YES1: variants seen among roughly 807,000 people sequenced by gnomAD.
The protein encoded by YES1 is tyrosine-protein kinase Yes.
In YES1, 39 loss-of-function variants were observed where a neutral mutation model predicts 70.4. The observed-to-expected ratio is 0.55, with a 90% confidence interval of 0.43 to 0.72. The LOEUF (loss-of-function observed/expected upper bound fraction) is 0.72. YES1 is among the 30% of genes least tolerant of loss of function. The pLI is 0.00. For missense variants in YES1, 495 were observed against 644.8 expected, an observed-to-expected ratio of 0.77 and a Z score of 2.52; for synonymous variants, 198 against 218.6, an observed-to-expected ratio of 0.91 and a Z score of 0.83.
At position 748,054 on chromosome 18, in the gene YES1, A is replaced by C. The variant is rs557597837; in HGVS notation, c.372-36T>G. 2.9e-5 allele frequency: 46 copies of C among 1,572,070 alleles called. No homozygotes were observed. The South Asian group carries it at 3.9e-4, about 13-fold the overall frequency. The stretch of plus-strand genomic sequence containing the variant: ...TAAAACAGCAATCACCGCAAGGTAG[A>C]CTATTGCCCAAGGTACAATATATTG... On this transcript the variant is annotated intron_variant, in intron 3 of 11. Coordinates refer to ENST00000314574, the MANE Select transcript of YES1 (RefSeq NM_005433.4).
intron 1 of YES1, among the ~76,000 whole-genome samples, chr18:770,646 T>C (rs1438281574): frequency 6.6e-6 from 1 of 152,186 alleles, no homozygotes; most frequent in Admixed American, 6.5e-5. Flanking sequence ...ATTTAGAATG[T>C]GCCCCAGGCA....
At chr18:765,807 G>C (rs918463215) in intron 1 of YES1, among the ~76,000 whole-genome samples, 2 of 152,304 alleles carry the variant, frequency 1.3e-5, no homozygotes, top group South Asian at 4.1e-4. Context: ...CACTTAAAAT[G>C]ATTTTTTTAA....
intron 11 of YES1, among the ~76,000 whole-genome samples, chr18:728,155 G>GT (rs977898039): frequency 6.6e-6 from 1 of 151,956 alleles, no homozygotes; most frequent in Non-Finnish European, 1.5e-5. Context: ...GGGCAACATG[G>GT]TGAGACCCTG....
chr18:771,468 A>C (rs568742372), intron 1 of YES1, among the ~76,000 whole-genome samples: 1 of 152,324 alleles, frequency 6.6e-6, no homozygotes, highest in South Asian at 2.1e-4. Context: ...TTCCTTAAAA[A>C]TCACCTTCAA....
At chr18:745,889 T>C in intron 5 of YES1, 32 bp from the exon 6 acceptor site, 2 of 1,606,804 alleles carry the variant, frequency 1.2e-6, no homozygotes, top group South Asian at 2.2e-5. Context: ...TCACTATATC[T>C]TTCTCAAAAT....
intron 1 of YES1, among the ~76,000 whole-genome samples, chr18:778,705 T>C (rs1905505844): frequency 6.6e-6 from 1 of 152,202 alleles, no homozygotes; most frequent in Non-Finnish European, 1.5e-5. Context: ...TTTCCATAGG[T>C]CACGGTGTTC....
In YES1 at chr18:756,917, G is replaced by A. The variant is rs1012736050; in HGVS notation, c.-8-82C>T. ...GACAGGGTTCAAAAAATCATTTTAA[G>A]AAAAGCATATGCCATCCCTGCAAAA... On this transcript the variant is annotated intron_variant, in intron 1 of 11. Transcript: ENST00000314574. The A allele has an allele frequency of 1.3e-5, 18 of 1,342,958 alleles. No homozygotes were observed. The South Asian group carries it at 2.1e-4, about 16-fold the overall frequency. The allele number at this position is 1,342,958 out of a possible 1,614,324, so 83.2% of individuals were successfully genotyped here. A position where few individuals can be genotyped will look rare whatever the true frequency, so the allele number is the denominator to read the frequency against.
At chr18:790,308 G>A (rs552026221) in intron 1 of YES1, among the ~76,000 whole-genome samples, 1 of 152,156 alleles carries the variant, frequency 6.6e-6, no homozygotes, top group East Asian at 1.9e-4. Flanking sequence ...CCCGAGAGGC[G>A]GAAGTTGCAA....
chr18:797,441 T>C (rs867668498), intron 1 of YES1, among the ~76,000 whole-genome samples: 3 of 151,794 alleles, frequency 2.0e-5, no homozygotes, highest in African/African-American at 7.3e-5. Flanking sequence ...CACTTTATTA[T>C]GGAAAGAGGA....
At position 765,461 on chromosome 18, in the gene YES1, T is replaced by C. The variant is rs576188441; in HGVS notation, c.-8-8626A>G. Among the ~76,000 whole-genome samples, 388 of 148,824 alleles carry C rather than the reference T, an allele frequency of 2.6e-3. 1 individual carries two copies. The highest frequency in any genetic ancestry group is 4.0e-3 in the Non-Finnish European group (271 of 67,284). On this transcript the variant is annotated intron_variant, in intron 1 of 11. Coordinates refer to ENST00000314574, the MANE Select transcript of YES1 (RefSeq NM_005433.4). ...TCGCCCAGGCTGGAGTGTAGTGGCG[T>C]GATCTTGGCTCAGTGCAACCTCCCG...
chr18:770,902 T>C (rs755525650), intron 1 of YES1, among the ~76,000 whole-genome samples: 5 of 151,900 alleles, frequency 3.3e-5, no homozygotes, highest in African/African-American at 4.8e-5. Context: ...TCCCAACACT[T>C]TGGAAGGCTG....
chr18:768,084 A>G lies in YES1; in HGVS notation c.-8-11249T>C, dbSNP rs143551576. On this transcript the variant is annotated intron_variant, in intron 1 of 11. Transcript: ENST00000314574. ...CTGTAAAATATTTTAAGCTTTGTGG[A>G]CCATATGGTGTCTGTAACAACTACT... 1.9e-4 allele frequency among the ~76,000 whole-genome samples: 29 copies of G among 152,286 alleles called. No individual in the cohort carries two copies. The East Asian group carries it at 5.4e-3, about 28-fold the overall frequency.
chr18:765,277 T>C (rs1342004013), intron 1 of YES1, among the ~76,000 whole-genome samples: 2 of 98,760 alleles, frequency 2.0e-5, no homozygotes. Flanking sequence ...TATATATATA[T>C]ATATATATAT....
At chr18:793,675 T>C (rs1405017076) in intron 1 of YES1, among the ~76,000 whole-genome samples, 4 of 152,162 alleles carry the variant, frequency 2.6e-5, no homozygotes, top group Non-Finnish European at 5.9e-5. Flanking sequence ...GAGAATTAAC[T>C]GAAAAGCTAT....
intron 11 of YES1, among the ~76,000 whole-genome samples, chr18:732,513 G>A (rs1331323988): frequency 6.6e-6 from 1 of 150,890 alleles, no homozygotes; most frequent in Non-Finnish European, 1.5e-5. Flanking sequence ...TAGGGTGGAT[G>A]AGCCAGGATA....
chr18:752,142 C>CGAG (rs2080351712), intron 2 of YES1, among the ~76,000 whole-genome samples: 1 of 152,220 alleles, frequency 6.6e-6, no homozygotes, highest in Non-Finnish European at 1.5e-5. Flanking sequence ...AAGTCTCACT[C>CGAG]TGTCACCCAG....
chr18:794,879 C>T (rs1906459688), intron 1 of YES1, among the ~76,000 whole-genome samples: 1 of 152,226 alleles, frequency 6.6e-6, no homozygotes, highest in Non-Finnish European at 1.5e-5. Context: ...AGCAGTGGTG[C>T]AATCTCGGCT....
At chr18:757,026 C>G (rs2080416257) in intron 1 of YES1, among the ~76,000 whole-genome samples, 191 bp from the exon 2 acceptor site, 1 of 152,188 alleles carries the variant, frequency 6.6e-6, no homozygotes, top group Non-Finnish European at 1.5e-5. Flanking sequence ...TGCAAAAGCC[C>G]TACTCCAATC....
intron 11 of YES1, among the ~76,000 whole-genome samples, chr18:730,977 T>A (rs1003316985): frequency 1.7e-5 from 2 of 121,094 alleles, no homozygotes; most frequent in Non-Finnish European, 3.5e-5. Flanking sequence ...GGAGTGATTA[T>A]ACTGCTTCAC....
Sources: gnomAD v4.1 joint callset for allele counts (sites outside exome capture counted in the v4.1 genomes callset) on GRCh38, gnomAD v4.1.1 for gene constraint, MANE v1.5 for transcripts, NCBI Gene and HGNC (gene_info 2026-07-23, HGNC 2026-07-21) for gene names.